Variants in FGF7 observed in about 807,000 individuals in gnomAD.
FGF7 encodes the protein fibroblast growth factor 7.
A neutral mutation model predicts 20.5 loss-of-function variants in FGF7; 6 were observed. The observed-to-expected ratio is 0.29, with a 90% CI of 0.16 to 0.58. The LOEUF (loss-of-function observed/expected upper bound fraction) is 0.58, where lower values mean the gene tolerates loss of function less well. Among genes scored for constraint, FGF7 ranks in the 20% least tolerant of loss-of-function variants. The pLI is 0.90. For synonymous variants in FGF7, 64 were observed against 74.7 expected (o/e 0.86, Z 0.74); for missense variants, 144 against 228.8 (o/e 0.63, Z 2.39).
At chr15:49,429,940 A>G (rs2050449057) in intron 2 of FGF7, among the ~76,000 whole-genome samples, 1 of 151,978 alleles carries the variant, frequency 6.6e-6, no homozygotes, top group African/African-American at 2.4e-5. Flanking sequence ...TATGGAGAAC[A>G]AGAATTCTAA....
At chr15:49,483,670 C>T (rs1185525535) in intron 3 of FGF7, among the ~76,000 whole-genome samples, 1 of 152,036 alleles carries the variant, frequency 6.6e-6, no homozygotes, top group Non-Finnish European at 1.5e-5. Context: ...ACATCAATCT[C>T]ACAATCATGG....
At chr15:49,431,775 A>T (rs964171130) in intron 2 of FGF7, among the ~76,000 whole-genome samples, 2 of 151,820 alleles carry the variant, frequency 1.3e-5, no homozygotes, top group African/African-American at 2.4e-5. Context: ...TCTTCTGTAA[A>T]CTTAAAATGA....
At chr15:49,467,157 G>A (rs1360366735) in intron 2 of FGF7, among the ~76,000 whole-genome samples, 1 of 152,234 alleles carries the variant, frequency 6.6e-6, no homozygotes, top group African/African-American at 2.4e-5. Flanking sequence ...AAAATAAAGG[G>A]AGAAAGTGGA....
Position 49,434,841 on chromosome 15 carries a change from A to C in FGF7, c.286+10258A>C, listed in dbSNP as rs557006968. On this transcript the variant is annotated intron_variant, in intron 2 of 3. Transcript: ENST00000267843. Reference sequence around the variant, plus strand: ...AAGGGAAAACATCAATAATTAATAAAAAACTAATTAATAATTAATTAATAA... The same window carrying C: ...AAGGGAAAACATCAATAATTAATAACAAACTAATTAATAATTAATTAATAA... 8.6e-5 allele frequency among the ~76,000 whole-genome samples: 13 copies of C among 151,408 alleles called. No individual in the cohort carries two copies. The East Asian group carries it at 2.5e-3, about 29-fold the overall frequency.
rs1482540926 is a variant in FGF7, at chr15:49,483,152, TATC to T, written c.291_293del (p.Ile97del). 1 of 1,530,772 alleles carries T rather than the reference TATC, an allele frequency of 6.5e-7. No homozygotes were observed. The highest frequency in any genetic ancestry group is 1.7e-5 in the Admixed American group (1 of 59,884). 94.8% of individuals were successfully genotyped at this position (1,530,772 alleles called of 1,614,324 possible). A position where few individuals can be genotyped will look rare whatever the true frequency, so the allele number is the denominator to read the frequency against. ...ATGTCTTTCTGTGATTCCTTGCAGATATCATGGAAATCAGGACAGTGGCAGTTG... is the reference window on the plus strand; with the variant it reads ...ATGTCTTTCTGTGATTCCTTGCAGATATGGAAATCAGGACAGTGGCAGTTG... On this transcript the variant is annotated inframe_deletion and splice_region_variant, in exon 3 of 4. Transcript: ENST00000267843.
intron 2 of FGF7, among the ~76,000 whole-genome samples, chr15:49,457,428 TATG>T (rs1262184961): frequency 6.6e-6 from 1 of 152,050 alleles, no homozygotes; most frequent in African/African-American, 2.4e-5. Flanking sequence ...TTTGGAAAAT[TATG>T]ATGCCATTAA....
chr15:49,451,172 G>T (rs1428483320), intron 2 of FGF7, among the ~76,000 whole-genome samples: 2 of 151,882 alleles, frequency 1.3e-5, no homozygotes, highest in Non-Finnish European at 2.9e-5. Flanking sequence ...TAAGAATATG[G>T]ATACTTACAT....
chr15:49,440,245 G>A (rs1047239010), intron 2 of FGF7, among the ~76,000 whole-genome samples: 3 of 151,662 alleles, frequency 2.0e-5, no homozygotes, highest in African/African-American at 7.3e-5. Context: ...AAGCTTAGCT[G>A]ATTTCCTTCT....
chr15:49,431,312 T>A (rs978470886), intron 2 of FGF7, among the ~76,000 whole-genome samples: 3 of 151,870 alleles, frequency 2.0e-5, no homozygotes, highest in Non-Finnish European at 1.5e-5. Context: ...CCAAGTTTTT[T>A]ATCTGCATTT....
chr15:49,470,781 G>A (rs1210386230), intron 2 of FGF7, among the ~76,000 whole-genome samples: 1 of 152,150 alleles, frequency 6.6e-6, no homozygotes, highest in Admixed American at 6.5e-5. Flanking sequence ...ACATTAAGGT[G>A]GTACATTCCA....
At chr15:49,431,301 A>G (rs1351964445) in intron 2 of FGF7, among the ~76,000 whole-genome samples, 2 of 151,792 alleles carry the variant, frequency 1.3e-5, no homozygotes, top group African/African-American at 4.8e-5. Context: ...CCGCTTTTGG[A>G]CCAAGTTTTT....
At chr15:49,463,359 G>A (rs1430374604) in intron 2 of FGF7, among the ~76,000 whole-genome samples, 1 of 152,058 alleles carries the variant, frequency 6.6e-6, no homozygotes, top group Non-Finnish European at 1.5e-5. Flanking sequence ...TTCAAGACCA[G>A]CCTGGCCAAC....
rs1231528342 is a variant in FGF7, at chr15:49,484,658, T to G, written c.*154T>G. On this transcript the variant is annotated 3_prime_UTR_variant, in exon 4 of 4. Coordinates refer to ENST00000267843, the MANE Select transcript of FGF7 (RefSeq NM_002009.4). ...ACTGATCAAGCTGGACTTGTGCATT[T>G]ATGTTTGTTTTAAGACACTGCATTA... 1 of 457,622 alleles carries G rather than the reference T, an allele frequency of 2.2e-6. No individual in the cohort carries two copies. Among genetic ancestry groups the G allele is most frequent in the Non-Finnish European group, 3.8e-6 (1 of 262,420 alleles). 28.3% of individuals were successfully genotyped at this position (457,622 alleles called of 1,614,324 possible).
chr15:49,488,541 C>A lies in FGF7; in HGVS notation c.*4037C>A, dbSNP rs2152041344. 6.6e-6 allele frequency: 1 copy of A among 152,060 alleles called. No homozygotes were observed. Among genetic ancestry groups the A allele is most frequent in the African/African-American group, 2.4e-5 (1 of 41,524 alleles). The allele number at this position is 152,060 out of a possible 1,614,324, so 9.4% of individuals were successfully genotyped here. A position where few individuals can be genotyped will look rare whatever the true frequency, so the allele number is the denominator to read the frequency against. Reference sequence around the variant, plus strand: ...ATATTTACTCTCATCTGGGAAGATGCCTCTTATGTTTTCCTTTTACTTCCT... The same window carrying A: ...ATATTTACTCTCATCTGGGAAGATGACTCTTATGTTTTCCTTTTACTTCCT... On this transcript the variant is annotated 3_prime_UTR_variant, in exon 4 of 4. Transcript: ENST00000267843.
intron 2 of FGF7, among the ~76,000 whole-genome samples, chr15:49,475,514 T>A (rs930119771): frequency 1.3e-5 from 2 of 152,168 alleles, no homozygotes; most frequent in Non-Finnish European, 2.9e-5. Flanking sequence ...AACTTTAATA[T>A]TAAGATAGTG....
intron 2 of FGF7, among the ~76,000 whole-genome samples, chr15:49,476,984 T>C (rs1260219443): frequency 6.7e-6 from 1 of 150,160 alleles, no homozygotes; most frequent in Non-Finnish European, 1.5e-5. Context: ...GGTGCAAACC[T>C]GGGAGGCGGA....
Position 49,452,047 on chromosome 15 carries a change from A to AT in FGF7, c.286+27476dup, listed in dbSNP as rs1004537305. 4.9e-3 allele frequency among the ~76,000 whole-genome samples: 715 copies of AT among 146,382 alleles called. 5 individuals are homozygous for AT. Among genetic ancestry groups the AT allele is most frequent in the East Asian group, 0.015 (77 of 5,036 alleles). On this transcript the variant is annotated intron_variant, in intron 2 of 3. Coordinates refer to ENST00000267843, the MANE Select transcript of FGF7 (RefSeq NM_002009.4). ...CAAAATTTGATTCAATACCAACCAG[A>AT]TTTTTTTTTTTTGAGATAGAGTCTT...
intron 2 of FGF7, among the ~76,000 whole-genome samples, chr15:49,473,056 G>A (rs573124161): frequency 3.9e-4 from 59 of 152,124 alleles, no homozygotes; most frequent in African/African-American, 1.4e-3. Context: ...GGTACTTGGG[G>A]GATTAATTTA....
At chr15:49,445,553 A>T (rs574757352) in intron 2 of FGF7, among the ~76,000 whole-genome samples, 2 of 151,670 alleles carry the variant, frequency 1.3e-5, no homozygotes, top group African/African-American at 4.8e-5. Flanking sequence ...AGTTTGGTTC[A>T]GATAAATGTC....
Sources: allele counts gnomAD v4.1 joint callset (sites outside exome capture counted in the v4.1 genomes callset), GRCh38; gene constraint gnomAD v4.1.1; transcripts MANE v1.5; gene names NCBI Gene and HGNC (gene_info 2026-07-23, HGNC 2026-07-21).